RNF157: variants seen among roughly 807,000 people sequenced by gnomAD.
The protein encoded by RNF157 is E3 ubiquitin ligase RNF157.
Under a neutral mutation model 88.3 loss-of-function variants are expected in RNF157, and 55 were observed. That is an observed-to-expected ratio of 0.62 (90% CI 0.50 to 0.78). The LOEUF (loss-of-function observed/expected upper bound fraction) is 0.78. Among genes scored for constraint, RNF157 ranks in the 30% least tolerant of loss-of-function variants. The pLI, the probability that RNF157 is intolerant of heterozygous loss-of-function variation, is 0.00. For synonymous variants in RNF157, 334 were observed against 341.2 expected, an observed-to-expected ratio of 0.98 and a Z score of 0.23; for missense variants, 788 against 860.8, an observed-to-expected ratio of 0.92 and a Z score of 1.06.
chr17:76,201,627 TTG>T (rs1223348172), intron 2 of RNF157, among the ~76,000 whole-genome samples: 2 of 152,198 alleles, frequency 1.3e-5, no homozygotes, highest in Non-Finnish European at 2.9e-5. Flanking sequence ...AATAGTATAT[TTG>T]TGTAGCTATA....
intron 3 of RNF157, among the ~76,000 whole-genome samples, chr17:76,172,160 AATAAAAT>A (rs1448957669): frequency 6.6e-6 from 1 of 152,208 alleles, no homozygotes; most frequent in East Asian, 1.9e-4. Flanking sequence ...TTCAGGGACA[AATAAAAT>A]ATAAAAAATT....
At chr17:76,147,090 G>A (rs1159427422) in intron 18 of RNF157, 2 of 985,166 alleles carry the variant, frequency 2.0e-6, no homozygotes, top group Non-Finnish European at 1.2e-6. Context: ...TTACTCCCTG[G>A]GGGTGGGTAC....
chr17:76,211,448 T>G (rs937487279), intron 2 of RNF157, among the ~76,000 whole-genome samples: 5 of 152,252 alleles, frequency 3.3e-5, no homozygotes, highest in Non-Finnish European at 5.9e-5. Context: ...AAACATTTCC[T>G]GTTTTCTGTG....
rs1377562548 is a variant in RNF157, at chr17:76,157,943, C to G, written c.1413+450G>C. On this transcript the variant is annotated intron_variant, in intron 13 of 18. Coordinates refer to ENST00000269391, the MANE Select transcript of RNF157 (RefSeq NM_052916.3). This position sits in a 1 kb window ranked among gnomAD's most constrained non-coding sequence, Gnocchi z 5.6. ...TCCCAGACCTAGGGCCCTCTCTCCT[C>G]GTATATCTGCATAGCTAGCTCTACC... is the stretch of plus-strand genomic sequence containing the variant. Among the ~76,000 whole-genome samples the G allele has an allele frequency of 6.6e-6, 1 of 152,098 alleles. No homozygotes were observed. Among genetic ancestry groups the G allele is most frequent in the Non-Finnish European group, 1.5e-5 (1 of 67,978 alleles).
chr17:76,152,162 G>C (rs1363876720), intron 18 of RNF157, among the ~76,000 whole-genome samples, 193 bp downstream of exon 18: 2 of 152,186 alleles, frequency 1.3e-5, no homozygotes, highest in Non-Finnish European at 2.9e-5. Flanking sequence ...AGCAAGGCTG[G>C]CTCATTGCAA....
chr17:76,183,995 G>C (rs2069240279), intron 2 of RNF157, among the ~76,000 whole-genome samples: 2 of 151,990 alleles, frequency 1.3e-5, no homozygotes, highest in African/African-American at 4.8e-5. Context: ...TTTGAGACCA[G>C]CCTGGCCAGC....
chr17:76,194,073 A>G (rs774195771), intron 2 of RNF157, among the ~76,000 whole-genome samples: 1 of 152,194 alleles, frequency 6.6e-6, no homozygotes, highest in Non-Finnish European at 1.5e-5. Context: ...TGGTTTGTTT[A>G]TCAAGGTATA....
rs59560318 is a variant in RNF157, at chr17:76,176,053, G to A, written c.208-2263C>T. Among the ~76,000 whole-genome samples, 1,325 of 152,250 alleles carry A rather than the reference G, an allele frequency of 8.7e-3. 27 individuals are homozygous for A. The highest frequency in any genetic ancestry group is 0.029 in the African/African-American group (1,218 of 41,538). On this transcript the variant is annotated intron_variant, in intron 2 of 18. Transcript: ENST00000269391. This position sits in a 1 kb window ranked among gnomAD's most constrained non-coding sequence, Gnocchi z 4.2. ...AAATCTGTTCAGGAGAAGCTTGTTC[G>A]TGGGCTGCTACCCACCAAAGTTTGT...
intron 2 of RNF157, 56 bp downstream of exon 2, chr17:76,212,308 A>AT: frequency 8.1e-7 from 1 of 1,231,728 alleles, no homozygotes; most frequent in Non-Finnish European, 1.2e-6. Flanking sequence ...TTTTTGTTAC[A>AT]TTTTTTGAAT....
At chr17:76,225,248 G>A (rs1568075720) in intron 1 of RNF157, among the ~76,000 whole-genome samples, 1 of 152,200 alleles carries the variant, frequency 6.6e-6, no homozygotes, top group Non-Finnish European at 1.5e-5. Flanking sequence ...CACTTTGGGA[G>A]GCTGAGGTGG....
At chr17:76,212,609 C>T in intron 1 of RNF157, 127 bp from the exon 2 acceptor site, 1 of 612,354 alleles carries the variant, frequency 1.6e-6, no homozygotes, top group East Asian at 2.9e-5. Flanking sequence ...CACCTGTAAT[C>T]CCAGCACTTT....
intron 2 of RNF157, among the ~76,000 whole-genome samples, chr17:76,179,995 A>C (rs2069165084): frequency 6.6e-6 from 1 of 152,182 alleles, no homozygotes; most frequent in Non-Finnish European, 1.5e-5. Flanking sequence ...GACAAGGAAG[A>C]CCAGATAAAG....
chr17:76,183,805 A>AT (rs1270827680), intron 2 of RNF157, among the ~76,000 whole-genome samples: 2 of 151,932 alleles, frequency 1.3e-5, no homozygotes, highest in African/African-American at 2.4e-5. Flanking sequence ...TTTTATATTA[A>AT]TTTTTTTACT....
rs71161274 is a variant in RNF157 at position 76,210,588 on chromosome 17, C to CAAA, written c.207+1773_207+1775dup. ...CTGGGCGACAGAGCCAGACTCCGTC[C>CAAA]AAAAAAAAAAAAAAAAGAAAGAAAG... On this transcript the variant is annotated intron_variant, in intron 2 of 18. Coordinates refer to ENST00000269391, the MANE Select transcript of RNF157 (RefSeq NM_052916.3). Among the ~76,000 whole-genome samples the CAAA allele has an allele frequency of 1.6e-3, 88 of 53,530 alleles. 1 individual carries two copies. Among genetic ancestry groups the CAAA allele is most frequent in the African/African-American group, 5.1e-3 (66 of 12,828 alleles). The allele number at this position is 53,530 out of a possible 152,430, so 35.1% of individuals were successfully genotyped here. A position where few individuals can be genotyped will look rare whatever the true frequency, so the allele number is the denominator to read the frequency against.
chr17:76,164,326 T>G (rs1263757895), intron 8 of RNF157: 1 of 153,720 alleles, frequency 6.5e-6, no homozygotes, highest in Non-Finnish European at 1.4e-5. Flanking sequence ...ATTAAGCCAA[T>G]GACTCTAATT....
chr17:76,194,886 G>A (rs555037460), intron 2 of RNF157, among the ~76,000 whole-genome samples: 6 of 152,190 alleles, frequency 3.9e-5, no homozygotes, highest in Admixed American at 2.0e-4. Context: ...GTGGTGGCGG[G>A]CGCCTGTAGT....
chr17:76,216,574 C>A (rs1306084495), intron 1 of RNF157, among the ~76,000 whole-genome samples: 1 of 151,086 alleles, frequency 6.6e-6, no homozygotes, highest in African/African-American at 2.4e-5. Context: ...TGGTGAGGCT[C>A]TGTCTCTGTA....
chr17:76,158,603 G>C (rs1441206134), intron 12 of RNF157, 102 bp from the exon 13 acceptor site: 5 of 809,048 alleles, frequency 6.2e-6, no homozygotes, highest in South Asian at 4.3e-5. Flanking sequence ...TTTTTTGCTT[G>C]TTTATTTTTT....
intron 1 of RNF157, among the ~76,000 whole-genome samples, chr17:76,231,712 CTTTAT>C (rs564272450): frequency 6.6e-6 from 1 of 152,148 alleles, no homozygotes; most frequent in Non-Finnish European, 1.5e-5. Context: ...AAGCTCTTGT[CTTTAT>C]TTTATCCAAA....
Sources: gnomAD v4.1 joint callset for allele counts (sites outside exome capture counted in the v4.1 genomes callset) on GRCh38, gnomAD v4.1.1 for gene constraint, Gnocchi (gnomAD v3.1) non-coding constraint, MANE v1.5 for transcripts, NCBI Gene and HGNC (gene_info 2026-07-23, HGNC 2026-07-21) for gene names.